Variants in NCAM1 observed in about 807,000 individuals in gnomAD.
The protein encoded by NCAM1 is neural cell adhesion molecule 1, also known as antigen recognized by monoclonal antibody 5.1H11.
In NCAM1, 14 loss-of-function variants were observed where a neutral mutation model predicts 109.8. The observed-to-expected ratio is 0.13, with a 90% CI of 0.08 to 0.20. The LOEUF (loss-of-function observed/expected upper bound fraction) is 0.20, where lower values mean the gene tolerates loss of function less well. NCAM1 is among the 10% of genes least tolerant of loss of function. The pLI, the probability that NCAM1 is intolerant of heterozygous loss-of-function variation, is 1.00. For synonymous variants in NCAM1, 418 were observed against 442.9 expected (o/e 0.94, Z 0.70); for missense variants, 774 against 1,109.9 (o/e 0.70, Z 4.30).
intron 19 of NCAM1, 127 bp from the exon 20 acceptor site, chr11:113,275,140 G>A: frequency 7.9e-7 from 1 of 1,261,806 alleles, no homozygotes. Flanking sequence ...TTGACGGGCA[G>A]AGGTTGGAGC....
chr11:113,261,135 G>A (rs1409638794), intron 17 of NCAM1, among the ~76,000 whole-genome samples: 1 of 152,116 alleles, frequency 6.6e-6, no homozygotes, highest in Non-Finnish European at 1.5e-5. Context: ...CAGCCTGTTG[G>A]GGGGCCCCAT....
intron 1 of NCAM1, among the ~76,000 whole-genome samples, chr11:113,179,795 A>T (rs1846090828): frequency 6.6e-6 from 1 of 152,126 alleles, no homozygotes; most frequent in Admixed American, 6.5e-5. Flanking sequence ...AAATACCAAG[A>T]TTTCTTTTGC....
chr11:112,969,313 A>G (rs1555066369), intron 1 of NCAM1, among the ~76,000 whole-genome samples: 1 of 152,192 alleles, frequency 6.6e-6, no homozygotes, highest in East Asian at 1.9e-4. Flanking sequence ...TGAGACTGAG[A>G]AAGGTTAAAT....
chr11:113,233,394 G>A lies in NCAM1; in HGVS notation c.1693+77G>A. ...CAGATGTCCCCACCTGCCATCCTGG[G>A]CATGTTCCTACAGAATCAGGAACTG... On this transcript the variant is annotated intron_variant, in intron 13 of 19. Coordinates refer to ENST00000316851, the MANE Select transcript of NCAM1 (RefSeq NM_181351.5). The surrounding 1 kb of genome is among the most constrained non-coding windows in gnomAD (Gnocchi z 4.5). 6.9e-7 allele frequency: 1 copy of A among 1,446,502 alleles called. No homozygotes were observed. Among genetic ancestry groups the A allele is most frequent in the Non-Finnish European group, 9.4e-7 (1 of 1,062,960 alleles). The allele number at this position is 1,446,502 out of a possible 1,614,324, so 89.6% of individuals were successfully genotyped here.
chr11:113,215,267 C>A (rs1352421151), intron 8 of NCAM1, among the ~76,000 whole-genome samples: 1 of 151,956 alleles, frequency 6.6e-6, no homozygotes, highest in Non-Finnish European at 1.5e-5. Flanking sequence ...ATTGAGTGGG[C>A]CAAAAGTAGG....
chr11:113,130,176 T>C (rs1398350952), intron 1 of NCAM1, among the ~76,000 whole-genome samples: 1 of 152,242 alleles, frequency 6.6e-6, no homozygotes, highest in Non-Finnish European at 1.5e-5. Context: ...AGTATTCACA[T>C]TGGCGAGCAG....
intron 1 of NCAM1, among the ~76,000 whole-genome samples, chr11:113,010,379 T>C (rs182617668): frequency 1.4e-3 from 207 of 152,370 alleles, no homozygotes; most frequent in African/African-American, 4.8e-3. Flanking sequence ...CTTTTAATAA[T>C]ATGAATGTGA....
chr11:113,218,811 C>T (rs1274276446), intron 8 of NCAM1, among the ~76,000 whole-genome samples: 1 of 152,162 alleles, frequency 6.6e-6, no homozygotes. Context: ...CTAGTAGTTA[C>T]TATTACATTG....
chr11:113,199,840 A>AAAAAAC (rs1943991318), intron 1 of NCAM1, among the ~76,000 whole-genome samples: 2 of 151,404 alleles, frequency 1.3e-5, no homozygotes, highest in Non-Finnish European at 1.5e-5. Context: ...AAAAAAAAAA[A>AAAAAAC]AAAAAAAAAC....
At chr11:112,973,748 T>G (rs1950939850) in intron 1 of NCAM1, among the ~76,000 whole-genome samples, 1 of 152,114 alleles carries the variant, frequency 6.6e-6, no homozygotes, top group Non-Finnish European at 1.5e-5. Flanking sequence ...AAGTTCACAG[T>G]GAAGGGATAT....
At chr11:113,097,872 T>TAGAG (rs1180236019) in intron 1 of NCAM1, among the ~76,000 whole-genome samples, 1 of 152,188 alleles carries the variant, frequency 6.6e-6, no homozygotes, top group Non-Finnish European at 1.5e-5. Context: ...AAGAAAACTA[T>TAGAG]AGAGAGACTT....
chr11:112,996,423 T>C (rs1555071431), intron 1 of NCAM1, among the ~76,000 whole-genome samples: 1 of 152,218 alleles, frequency 6.6e-6, no homozygotes, highest in Non-Finnish European at 1.5e-5. Flanking sequence ...GTGTACTTTC[T>C]TTTAACATTG....
chr11:112,974,312 T>C (rs1950952653), intron 1 of NCAM1, among the ~76,000 whole-genome samples: 1 of 152,074 alleles, frequency 6.6e-6, no homozygotes, highest in Non-Finnish European at 1.5e-5. Flanking sequence ...ATGTTTGCTG[T>C]TGTATCTCCT....
intron 1 of NCAM1, among the ~76,000 whole-genome samples, chr11:113,031,463 G>A (rs922871127): frequency 6.6e-6 from 1 of 152,066 alleles, no homozygotes; most frequent in South Asian, 2.1e-4. Flanking sequence ...AGGCCGAGGC[G>A]GGCAGATCGC....
chr11:113,257,211 A>G (rs1176080679), intron 16 of NCAM1, among the ~76,000 whole-genome samples: 2 of 152,184 alleles, frequency 1.3e-5, no homozygotes, highest in South Asian at 2.1e-4. Context: ...GGTGGCCCCC[A>G]ATATACCCCT....
intron 1 of NCAM1, among the ~76,000 whole-genome samples, chr11:113,074,303 G>A (rs185221293): frequency 6.6e-5 from 10 of 152,316 alleles, no homozygotes; most frequent in South Asian, 2.1e-4. Context: ...GCATTGTGAT[G>A]TAAATGGTAC....
chr11:113,186,569 A>G (rs1943514614), intron 1 of NCAM1, among the ~76,000 whole-genome samples: 1 of 152,218 alleles, frequency 6.6e-6, no homozygotes. Context: ...CTTTACCTTC[A>G]TTCCACATTC....
At chr11:113,091,193 A>G (rs1399761466) in intron 1 of NCAM1, among the ~76,000 whole-genome samples, 4 of 152,100 alleles carry the variant, frequency 2.6e-5, no homozygotes, top group African/African-American at 9.7e-5. Flanking sequence ...TGCTTCTCAA[A>G]AAGGTTAAGT....
Position 113,273,074 on chromosome 11 carries a change from T to C in NCAM1, c.2456+1198T>C, listed in dbSNP as rs45494195. 11,563 of 456,490 alleles carry C rather than the reference T, an allele frequency of 0.025. 236 individuals carry two copies. The highest frequency in any genetic ancestry group is 0.04 in the Non-Finnish European group (9,188 of 226,888). The allele number at this position is 456,490 out of a possible 1,614,324, so 28.3% of individuals were successfully genotyped here. ...GTGAGACCACCACCCTGACCTCCAGTATTGCCCCGCCGGCCACGGCCACGC... is the reference window on the plus strand; with the variant it reads ...GTGAGACCACCACCCTGACCTCCAGCATTGCCCCGCCGGCCACGGCCACGC... On this transcript the variant is annotated intron_variant, in intron 19 of 19. Coordinates refer to ENST00000316851, the MANE Select transcript of NCAM1 (RefSeq NM_181351.5). This position sits in a 1 kb window ranked among gnomAD's most constrained non-coding sequence, Gnocchi z 6.0.
Sources: allele counts gnomAD v4.1 joint callset (sites outside exome capture counted in the v4.1 genomes callset), GRCh38; gene constraint gnomAD v4.1.1; non-coding constraint Gnocchi (gnomAD v3.1); transcripts MANE v1.5; gene names NCBI Gene and HGNC (gene_info 2026-07-23, HGNC 2026-07-21).